GALNT16: variants seen among roughly 807,000 people sequenced by gnomAD.
GALNT16 encodes polypeptide N-acetylgalactosaminyltransferase 16.
In GALNT16, 40 loss-of-function variants were observed where a neutral mutation model predicts 76.1. The observed-to-expected ratio is 0.53, with a 90% CI of 0.41 to 0.68. The LOEUF (loss-of-function observed/expected upper bound fraction) is 0.68, where lower values mean the gene tolerates loss of function less well. Among genes scored for constraint, GALNT16 ranks in the 30% least tolerant of loss-of-function variants. The pLI is 0.00. For missense variants in GALNT16, 621 were observed against 731.9 expected (o/e 0.85, Z 1.75); for synonymous variants, 276 against 285.2 (o/e 0.97, Z 0.32).
the GALNT16 span, among the ~76,000 whole-genome samples, chr14:69,383,647 TATG>T: frequency 6.6e-6 from 1 of 152,244 alleles, no homozygotes; most frequent in Non-Finnish European, 1.5e-5. Context: ...GTTTTCAAGC[TATG>T]ATAATTTACG....
chr14:69,384,461 TA>T, the GALNT16 span, among the ~76,000 whole-genome samples: 1 of 152,202 alleles, frequency 6.6e-6, no homozygotes, highest in African/African-American at 2.4e-5. Flanking sequence ...CCACTCCAGC[TA>T]GCTCTTAACC....
intron 1 of GALNT16, among the ~76,000 whole-genome samples, chr14:69,278,674 T>G (rs915377229): frequency 6.6e-6 from 1 of 152,218 alleles, no homozygotes; most frequent in Non-Finnish European, 1.5e-5. Context: ...TGTTGTATTT[T>G]AGGTAAAAAA....
At position 69,325,947 on chromosome 14, in the gene GALNT16, T is replaced by C; in HGVS notation, c.503-15T>C. ...CCATGTCTAAATGAGCTTGCCTTCCTCTTTGCATCCTCAGCGGAAGACTGT... is the reference window on the plus strand; with the variant it reads ...CCATGTCTAAATGAGCTTGCCTTCCCCTTTGCATCCTCAGCGGAAGACTGT... On this transcript the variant is annotated splice_polypyrimidine_tract_variant and intron_variant, in intron 4 of 14. Transcript: ENST00000448469. 1.2e-6 allele frequency: 2 copies of C among 1,610,762 alleles called. No homozygotes were observed. Among genetic ancestry groups the C allele is most frequent in the South Asian group, 1.1e-5 (1 of 91,012 alleles).
chr14:69,323,108 A>G (rs527543725), intron 2 of GALNT16, among the ~76,000 whole-genome samples: 2 of 152,310 alleles, frequency 1.3e-5, no homozygotes, highest in East Asian at 3.9e-4. Flanking sequence ...GCAGCCCTGC[A>G]GGCTGTAGTG....
intron 2 of GALNT16, among the ~76,000 whole-genome samples, chr14:69,323,625 T>C (rs916330634): frequency 6.6e-6 from 1 of 152,098 alleles, no homozygotes. Context: ...TTGAACAGCA[T>C]GGTTTCTCAA....
chr14:69,288,905 T>G (rs889059359), intron 1 of GALNT16, among the ~76,000 whole-genome samples: 4 of 151,728 alleles, frequency 2.6e-5, no homozygotes, highest in South Asian at 2.1e-4. Context: ...AGAGACGAGG[T>G]CTCACTCTGC....
intron 11 of GALNT16, among the ~76,000 whole-genome samples, chr14:69,340,263 T>C (rs2045469650): frequency 6.6e-6 from 1 of 152,146 alleles, no homozygotes; most frequent in Admixed American, 6.5e-5. Context: ...GGGGATTTGT[T>C]CCAGGACCCC....
rs957677201 is a variant in GALNT16 at position 69,261,968 on chromosome 14, T to C, written c.177+1501T>C. Among the ~76,000 whole-genome samples, 8 of 152,206 alleles carry C rather than the reference T, an allele frequency of 5.3e-5. No individual in the cohort carries two copies. Among genetic ancestry groups the C allele is most frequent in the Admixed American group, 2.6e-4 (4 of 15,280 alleles). ...AGAAAACTGATAAGGAAAAGCCTCC[T>C]GTGCTGAGGCCCCAGAGTGTTGTGA... On this transcript the variant is annotated intron_variant, in intron 1 of 14. Transcript: ENST00000448469. This position sits in a 1 kb window ranked among gnomAD's most constrained non-coding sequence, Gnocchi z 6.4.
intron 10 of GALNT16, 148 bp from the exon 11 acceptor site, chr14:69,339,379 A>G (rs1367091862): frequency 1.5e-6 from 1 of 657,782 alleles, no homozygotes; most frequent in Non-Finnish European, 2.8e-6. Context: ...TGTCTTCCAA[A>G]AGGACCGTGC....
chr14:69,306,669 G>A (rs2044939266), intron 1 of GALNT16, among the ~76,000 whole-genome samples: 1 of 152,166 alleles, frequency 6.6e-6, no homozygotes, highest in Non-Finnish European at 1.5e-5. Flanking sequence ...TAGGAATCCT[G>A]GGTGAGAGGG....
At chr14:69,266,737 A>G (rs2044346906) in intron 1 of GALNT16, among the ~76,000 whole-genome samples, 1 of 152,222 alleles carries the variant, frequency 6.6e-6, no homozygotes, top group Non-Finnish European at 1.5e-5. Flanking sequence ...ACTCTCTGTC[A>G]TGAAATAGGG....
At chr14:69,266,106 T>C (rs1320598365) in intron 1 of GALNT16, among the ~76,000 whole-genome samples, 1 of 152,252 alleles carries the variant, frequency 6.6e-6, no homozygotes, top group Non-Finnish European at 1.5e-5. Context: ...CCCAGGCTCA[T>C]GTCTTCCTTC....
At chr14:69,282,650 C>CTATTTATTTATT (rs34689381) in intron 1 of GALNT16, among the ~76,000 whole-genome samples, 1,526 of 147,324 alleles carry the variant, frequency 0.01, 17 homozygotes, top group Admixed American at 0.013. Flanking sequence ...AGAATTTGTC[C>CTATTTATTTATT]TATTTATTTA....
At chr14:69,362,062 T>C in the GALNT16 span, among the ~76,000 whole-genome samples, 4 of 152,148 alleles carry the variant, frequency 2.6e-5, no homozygotes, top group African/African-American at 7.2e-5. Context: ...GCACAGGACA[T>C]GGTAGATCCA....
chr14:69,302,586 A>G (rs1318549122), intron 1 of GALNT16, among the ~76,000 whole-genome samples: 1 of 152,232 alleles, frequency 6.6e-6, no homozygotes, highest in African/African-American at 2.4e-5. Flanking sequence ...TAAAAGAGAT[A>G]AAAGGTGAGA....
At chr14:69,358,011 G>A (rs567552474), downstream of GALNT16, 1 of 152,368 alleles carries the variant, frequency 6.6e-6, no homozygotes, top group Non-Finnish European at 1.5e-5. Context: ...GAGAAGCCAG[G>A]GGGAAAGAAG....
intron 1 of GALNT16, among the ~76,000 whole-genome samples, chr14:69,289,592 T>C (rs61466740): frequency 0.14 from 21,575 of 151,870 alleles, 1,915 homozygotes; most frequent in East Asian, 0.31. Flanking sequence ...CTGGCTTCCA[T>C]GGTGGTGATA....
At chr14:69,277,677 T>A (rs981315675) in intron 1 of GALNT16, among the ~76,000 whole-genome samples, 32 of 152,378 alleles carry the variant, frequency 2.1e-4, no homozygotes, top group Admixed American at 6.5e-4. Flanking sequence ...AGTGCCACAA[T>A]AAACATACGT....
At chr14:69,271,318 A>G (rs184879553) in intron 1 of GALNT16, among the ~76,000 whole-genome samples, 81 of 152,316 alleles carry the variant, frequency 5.3e-4, no homozygotes, top group African/African-American at 1.8e-3. Flanking sequence ...CTCAAGACCT[A>G]TGGAACTTGG....
Sources: gnomAD v4.1 joint callset for allele counts (sites outside exome capture counted in the v4.1 genomes callset) on GRCh38, gnomAD v4.1.1 for gene constraint, Gnocchi (gnomAD v3.1) non-coding constraint, MANE v1.5 for transcripts, NCBI Gene and HGNC (gene_info 2026-07-23, HGNC 2026-07-21) for gene names.